AGPAT1: variants seen among roughly 807,000 people sequenced by gnomAD.
AGPAT1 encodes the protein 1-acyl-sn-glycerol-3-phosphate acyltransferase alpha.
A neutral mutation model predicts 31.2 loss-of-function variants in AGPAT1; 6 were observed. The observed-to-expected ratio is 0.19, with a 90% CI of 0.11 to 0.38. The LOEUF (loss-of-function observed/expected upper bound fraction) is 0.38. AGPAT1 is among the 10% of genes least tolerant of loss of function. The probability of loss-of-function intolerance (pLI) is 1.00; values close to 1 mark genes in which losing one functional copy is unlikely to be tolerated. For missense variants in AGPAT1, 187 were observed against 377.8 expected (o/e 0.49, Z 4.19); for synonymous variants, 139 against 154.0 (o/e 0.90, Z 0.72).
In AGPAT1 at chr6:32,175,429, A is replaced by G. The variant is rs1379893914; in HGVS notation, c.-10+385T>C. Among the ~76,000 whole-genome samples, 3 of 152,170 alleles carry G rather than the reference A, an allele frequency of 2.0e-5. No homozygotes were observed. The highest frequency in any genetic ancestry group is 4.4e-5 in the Non-Finnish European group (3 of 68,018). On this transcript the variant is annotated intron_variant, in intron 1 of 6. Transcript: ENST00000375107. This position sits in a 1 kb window ranked among gnomAD's most constrained non-coding sequence, Gnocchi z 4.5. ...AGAGGTCCTGTGCCTAGATGGAAAC[A>G]GAGGCACCTAAGGGTATTCCTAAGA...
Position 32,170,800 on chromosome 6 carries a change from T to G in AGPAT1, c.334+137A>C. The G allele has an allele frequency of 7.7e-7, 1 of 1,299,446 alleles. No individual in the cohort carries two copies. The highest frequency in any genetic ancestry group is 1.1e-6 in the Non-Finnish European group (1 of 924,158). 80.5% of individuals were successfully genotyped at this position (1,299,446 alleles called of 1,614,324 possible). A position where few individuals can be genotyped will look rare whatever the true frequency, so the allele number is the denominator to read the frequency against. The stretch of plus-strand genomic sequence containing the variant: ...TATGAGGGCAGTTCTACCCAGGGAA[T>G]GAAGGCCTGAGTGGGAGGCAAGGGG... On this transcript the variant is annotated intron_variant, in intron 3 of 6. Coordinates refer to ENST00000375107, the MANE Select transcript of AGPAT1 (RefSeq NM_006411.4). This position sits in a 1 kb window ranked among gnomAD's most constrained non-coding sequence, Gnocchi z 7.7.
Position 32,170,126 on chromosome 6 carries a change from G to C in AGPAT1, c.606+39C>G, listed in dbSNP as rs745821083. The C allele has an allele frequency of 6.2e-7, 1 of 1,611,526 alleles. No homozygotes were observed. Among genetic ancestry groups the C allele is most frequent in the Admixed American group, 1.7e-5 (1 of 60,010 alleles). On this transcript the variant is annotated intron_variant, in intron 5 of 6. Coordinates refer to ENST00000375107, the MANE Select transcript of AGPAT1 (RefSeq NM_006411.4). This position sits in a 1 kb window ranked among gnomAD's most constrained non-coding sequence, Gnocchi z 7.7. Reference sequence around the variant, plus strand: ...TGCCCAGAGATGAGGGAATGGTGGGGGTTGGCAGCTGAGTAGCAGAACGAA... The same window carrying C: ...TGCCCAGAGATGAGGGAATGGTGGGCGTTGGCAGCTGAGTAGCAGAACGAA...
upstream of AGPAT1, chr6:32,176,946 C>T: frequency 2.5e-6 from 1 of 398,416 alleles, no homozygotes. Flanking sequence ...TCTAGTTTTC[C>T]ACCCCCTCTT....
chr6:32,169,635 C>T lies in AGPAT1; in HGVS notation c.680-187G>A, dbSNP rs926873089. On this transcript the variant is annotated intron_variant, in intron 6 of 6. Transcript: ENST00000375107. This position sits in a 1 kb window ranked among gnomAD's most constrained non-coding sequence, Gnocchi z 5.9. ...CCTATACAAAGCCTTCTCCAATCCC[C>T]AGTTCAGACATCTCCTCAGCACCCC... The T allele has an allele frequency of 7.3e-6, 5 of 687,526 alleles. No homozygotes were observed. The Admixed American group carries it at 1.5e-4, about 20-fold the overall frequency. 42.6% of individuals were successfully genotyped at this position (687,526 alleles called of 1,614,324 possible). A position where few individuals can be genotyped will look rare whatever the true frequency, so the allele number is the denominator to read the frequency against.
At position 32,169,583 on chromosome 6, in the gene AGPAT1, G is replaced by T; in HGVS notation, c.680-135C>A. 1 of 1,084,204 alleles carries T rather than the reference G, an allele frequency of 9.2e-7. No individual in the cohort carries two copies. Among genetic ancestry groups the T allele is most frequent in the Non-Finnish European group, 1.3e-6 (1 of 766,402 alleles). 67.2% of individuals were successfully genotyped at this position (1,084,204 alleles called of 1,614,324 possible). On this transcript the variant is annotated intron_variant, in intron 6 of 6. Transcript: ENST00000375107. This position sits in a 1 kb window ranked among gnomAD's most constrained non-coding sequence, Gnocchi z 5.9. ...ACCCTGGACAACCATCCCTGGGCTT[G>T]CCAGCTGCCACTTCTGAGGCCCTTC...
In AGPAT1 at chr6:32,169,197, C is replaced by A. The variant is rs1323944158; in HGVS notation, c.*79G>T. 3 of 1,490,842 alleles carry A rather than the reference C, an allele frequency of 2.0e-6. No homozygotes were observed. Among genetic ancestry groups the A allele is most frequent in the Non-Finnish European group, 2.8e-6 (3 of 1,085,898 alleles). The allele number at this position is 1,490,842 out of a possible 1,614,324, so 92.4% of individuals were successfully genotyped here. ...AGGGGAGACAAGGAAGAGGGTTTGG[C>A]CCTGCTTCAGGGCCCACTGGGTGGG... On this transcript the variant is annotated 3_prime_UTR_variant, in exon 7 of 7. Transcript: ENST00000375107. This position sits in a 1 kb window ranked among gnomAD's most constrained non-coding sequence, Gnocchi z 5.9.
In AGPAT1 at chr6:32,169,462, A is replaced by G. The variant is rs763009732; in HGVS notation, c.680-14T>C. On this transcript the variant is annotated splice_polypyrimidine_tract_variant and intron_variant, in intron 6 of 6. Coordinates refer to ENST00000375107, the MANE Select transcript of AGPAT1 (RefSeq NM_006411.4). The surrounding 1 kb of genome is among the most constrained non-coding windows in gnomAD (Gnocchi z 5.9). ...CCTGACATTGTCCTGGGGCAAGGGG[A>G]GCACCATCATGGCCTGTCCACCCAG... is the stretch of plus-strand genomic sequence containing the variant. The G allele has an allele frequency of 6.2e-6, 10 of 1,611,880 alleles. No individual in the cohort carries two copies. Among genetic ancestry groups the G allele is most frequent in the Admixed American group, 1.7e-5 (1 of 60,000 alleles).
Position 32,175,700 on chromosome 6 carries a change from C to G in AGPAT1, c.-10+114G>C. The G allele has an allele frequency of 2.0e-6, 1 of 499,484 alleles. No homozygotes were observed. The highest frequency in any genetic ancestry group is 2.1e-5 in the African/African-American group (1 of 47,958). The allele number at this position is 499,484 out of a possible 1,614,324, so 30.9% of individuals were successfully genotyped here. ...TTCCCAGTCGGCCCCTCTCCTTTCC[C>G]CAGCAACCCTCTCCCCCAGTCGGCC... is the stretch of plus-strand genomic sequence containing the variant. On this transcript the variant is annotated intron_variant, in intron 1 of 6. Transcript: ENST00000375107. The surrounding 1 kb of genome is among the most constrained non-coding windows in gnomAD (Gnocchi z 4.5).
At position 32,171,801 on chromosome 6, in the gene AGPAT1, GAAT is replaced by G; in HGVS notation, c.-9-299_-9-297del. ...GATACCTGATAATAAATGACAACAA[GAAT>G]AATAGCTAACACTTGTAGCTGGTAA... On this transcript the variant is annotated intron_variant, in intron 1 of 6. Transcript: ENST00000375107. This position sits in a 1 kb window ranked among gnomAD's most constrained non-coding sequence, Gnocchi z 6.9. 1.8e-6 allele frequency: 1 copy of G among 554,028 alleles called. No homozygotes were observed. The highest frequency in any genetic ancestry group is 2.2e-5 in the South Asian group (1 of 45,592). 34.3% of individuals were successfully genotyped at this position (554,028 alleles called of 1,614,324 possible). A position where few individuals can be genotyped will look rare whatever the true frequency, so the allele number is the denominator to read the frequency against.
rs1310239802 is a variant in AGPAT1 at position 32,170,237 on chromosome 6, C to T, written c.534G>A (p.Glu178=). ...TQDVRVWVFP[E]GTRNHNGSML... ...TGGAGCCATTGTGGTTTCTCGTTCC[C>T]TCAGGAAACACCCAGACCCTCACCT... Residue 178 remains glutamate, a synonymous_variant, in exon 5 of 7, where the codon GAG becomes GAA. Transcript: ENST00000375107. The surrounding 1 kb of genome is among the most constrained non-coding windows in gnomAD (Gnocchi z 7.7). The T allele has an allele frequency of 1.2e-6, 2 of 1,613,914 alleles. No homozygotes were observed. The highest frequency in any genetic ancestry group is 1.7e-6 in the Non-Finnish European group (2 of 1,179,930).
Position 32,170,628 on chromosome 6 carries a change from T to A in AGPAT1, c.335-28A>T. ...TGGGCAGGGTGGGAGTGGGTGAGGA[T>A]CGGGGTGGAGGCAGAGTGTCACAGA... On this transcript the variant is annotated intron_variant, in intron 3 of 6. Coordinates refer to ENST00000375107, the MANE Select transcript of AGPAT1 (RefSeq NM_006411.4). The surrounding 1 kb of genome is among the most constrained non-coding windows in gnomAD (Gnocchi z 7.7). The A allele has an allele frequency of 1.2e-6, 2 of 1,606,632 alleles. No individual in the cohort carries two copies. Among genetic ancestry groups the A allele is most frequent in the Non-Finnish European group, 1.7e-6 (2 of 1,179,618 alleles).
Position 32,170,749 on chromosome 6 carries a change from G to A in AGPAT1, c.335-149C>T. 8.0e-7 allele frequency: 1 copy of A among 1,257,458 alleles called. No homozygotes were observed. The highest frequency in any genetic ancestry group is 1.1e-6 in the Non-Finnish European group (1 of 880,926). 77.9% of individuals were successfully genotyped at this position (1,257,458 alleles called of 1,614,324 possible). A position where few individuals can be genotyped will look rare whatever the true frequency, so the allele number is the denominator to read the frequency against. On this transcript the variant is annotated intron_variant, in intron 3 of 6. Transcript: ENST00000375107. The surrounding 1 kb of genome is among the most constrained non-coding windows in gnomAD (Gnocchi z 7.7). ...AGGGGGGCCCCAAGTGAAGGAAAGG[G>A]TGACCAAAAGTATATGTAACCTGCT...
At chr6:32,176,112 T>G (rs1785531464), upstream of AGPAT1, 1 of 981,198 alleles carries the variant, frequency 1.0e-6, no homozygotes, top group Non-Finnish European at 1.2e-6. Context: ...CCCCAACGCC[T>G]GCTGGTTTCC....
chr6:32,177,930 A>C (rs2269423), upstream of AGPAT1: 98,924 of 152,228 alleles, frequency 0.65, 32,397 homozygotes, highest in Middle Eastern at 0.76. Context: ...AGAGGTGGAA[A>C]AAGAGAAGGT....
Position 32,169,082 on chromosome 6 carries a change from C to G in AGPAT1, c.*194G>C. On this transcript the variant is annotated 3_prime_UTR_variant, in exon 7 of 7. Coordinates refer to ENST00000375107, the MANE Select transcript of AGPAT1 (RefSeq NM_006411.4). The surrounding 1 kb of genome is among the most constrained non-coding windows in gnomAD (Gnocchi z 5.9). Reference sequence around the variant, plus strand: ...TGGAGACTGCACCGAGGCAAGAGTCCATGGATGGGGCCAAGAGGGGGCAGG... The same window carrying G: ...TGGAGACTGCACCGAGGCAAGAGTCGATGGATGGGGCCAAGAGGGGGCAGG... The G allele has an allele frequency of 1.6e-6, 1 of 631,358 alleles. No individual in the cohort carries two copies. Among genetic ancestry groups the G allele is most frequent in the East Asian group, 2.8e-5 (1 of 36,232 alleles). 39.1% of individuals were successfully genotyped at this position (631,358 alleles called of 1,614,324 possible).
At chr6:32,177,367 C>T (rs1785660386), upstream of AGPAT1, 1 of 335,284 alleles carries the variant, frequency 3.0e-6, no homozygotes, top group Non-Finnish European at 5.4e-6. Flanking sequence ...GTCTAGCCTC[C>T]GCGGGTCTCC....
upstream of AGPAT1, chr6:32,177,388 CG>C (rs963588355): frequency 2.0e-5 from 6 of 304,094 alleles, no homozygotes; most frequent in African/African-American, 1.3e-4. Context: ...TTAAAAGGGG[CG>C]GGCTTTGTCC....
Position 32,169,991 on chromosome 6 carries a change from G to A in AGPAT1, c.654C>T (p.Cys218=), listed in dbSNP as rs1303057693. 1 of 1,613,690 alleles carries A rather than the reference G, an allele frequency of 6.2e-7. No individual in the cohort carries two copies. The highest frequency in any genetic ancestry group is 8.5e-7 in the Non-Finnish European group (1 of 1,180,014). Residue 218 remains cysteine (C), a synonymous_variant, in exon 6 of 7, where the codon TGC becomes TGT. Coordinates refer to ENST00000375107, the MANE Select transcript of AGPAT1 (RefSeq NM_006411.4). This position sits in a 1 kb window ranked among gnomAD's most constrained non-coding sequence, Gnocchi z 5.9. ...IVMSSYQDFY[C]KKERRFTSGQ... is the part of the protein sequence containing the mutation. ...CCGAGGTGAAGCGACGCTCCTTCTT[G>A]CAGTAGAAGTCTTGGTAGGAGGACA...
Position 32,169,191 on chromosome 6 carries a change from G to C in AGPAT1, c.*85C>G. On this transcript the variant is annotated 3_prime_UTR_variant, in exon 7 of 7. Transcript: ENST00000375107. This position sits in a 1 kb window ranked among gnomAD's most constrained non-coding sequence, Gnocchi z 5.9. ...GGGGAGAGGGGAGACAAGGAAGAGG[G>C]TTTGGCCCTGCTTCAGGGCCCACTG... 1 of 1,427,490 alleles carries C rather than the reference G, an allele frequency of 7.0e-7. No homozygotes were observed. Among genetic ancestry groups the C allele is most frequent in the African/African-American group, 1.4e-5 (1 of 71,072 alleles). 88.4% of individuals were successfully genotyped at this position (1,427,490 alleles called of 1,614,324 possible). A position where few individuals can be genotyped will look rare whatever the true frequency, so the allele number is the denominator to read the frequency against.
Sources: allele counts gnomAD v4.1 joint callset (sites outside exome capture counted in the v4.1 genomes callset), GRCh38; gene constraint gnomAD v4.1.1; non-coding constraint Gnocchi (gnomAD v3.1); transcripts MANE v1.5; gene names NCBI Gene and HGNC (gene_info 2026-07-23, HGNC 2026-07-21).